Variants in PRDM2 observed in about 807,000 individuals in gnomAD.
The protein encoded by PRDM2 is PR/SET domain 2, also known as PR domain zinc finger protein 2.
In PRDM2, 30 loss-of-function variants were observed where a neutral mutation model predicts 130.0. That is an observed-to-expected ratio of 0.23 (90% confidence interval 0.17 to 0.31). PRDM2 has a LOEUF of 0.31. Among genes scored for constraint, PRDM2 ranks in the 10% least tolerant of loss-of-function variants. The pLI is 1.00. For synonymous variants in PRDM2, 871 were observed against 782.4 expected, an observed-to-expected ratio of 1.11 and a Z score of -1.89; for missense variants, 2,011 against 2,108.4, an observed-to-expected ratio of 0.95 and a Z score of 0.90.
At chr1:13,757,754 A>G (rs1643992292) in intron 6 of PRDM2, among the ~76,000 whole-genome samples, 1 of 147,554 alleles carries the variant, frequency 6.8e-6, no homozygotes, top group Non-Finnish European at 1.5e-5. Context: ...TTTTGCCAAA[A>G]TGTTTATTTG....
chr1:13,775,334 G>A lies in PRDM2; in HGVS notation c.622+2146G>A, dbSNP rs543344068. On this transcript the variant is annotated intron_variant, in intron 7 of 9. Coordinates refer to ENST00000311066, the MANE Select transcript of PRDM2 (RefSeq NM_001393986.1). ...CAGATTTTGACTGAAAATAAAGTCT[G>A]TTAGGAAATTTCTGAGCCTTAGAGT... Among the ~76,000 whole-genome samples the A allele has an allele frequency of 1.2e-3, 177 of 152,334 alleles. 3 individuals are homozygous for A. In the South Asian group the frequency reaches 0.036, roughly 31 times the overall value.
At chr1:13,768,074 GTTTTTT>G (rs774757778) in intron 6 of PRDM2, among the ~76,000 whole-genome samples, 1 of 117,756 alleles carries the variant, frequency 8.5e-6, no homozygotes, top group Non-Finnish European at 1.8e-5. Context: ...TTGTCCTTGA[GTTTTTT>G]TTTTTTTTTT....
intron 2 of PRDM2, chr1:13,722,694 A>T (rs1259770745): frequency 2.7e-6 from 1 of 363,836 alleles, no homozygotes; most frequent in East Asian, 7.9e-5. Context: ...CCCCACCCTC[A>T]CCCATTCCCA....
At chr1:13,749,065 C>T (rs1283997865) in intron 5 of PRDM2, among the ~76,000 whole-genome samples, 1 of 152,158 alleles carries the variant, frequency 6.6e-6, no homozygotes, top group Non-Finnish European at 1.5e-5. Context: ...GTGCGTGGGC[C>T]GTCGTGAGGC....
In PRDM2 at chr1:13,780,549, C is replaced by G; in HGVS notation, c.2754C>G (p.Ser918=). ...CCAGGAGCCCAAGTCCTTGTAAATCCCTAGAAGCTCAGCCAGATCCTGACC... is the reference window on the plus strand; with the variant it reads ...CCAGGAGCCCAAGTCCTTGTAAATCGCTAGAAGCTCAGCCAGATCCTGACC... ...DGTRSPSPCK[S]LEAQPDPDLG... The change falls in exon 8 of 10, where the codon TCC becomes TCG. Residue 918 remains serine, a synonymous_variant. Coordinates refer to ENST00000311066, the MANE Select transcript of PRDM2 (RefSeq NM_001393986.1). 6.2e-7 allele frequency: 1 copy of G among 1,614,102 alleles called. No individual in the cohort carries two copies. Among genetic ancestry groups the G allele is most frequent in the Non-Finnish European group, 8.5e-7 (1 of 1,180,014 alleles).
chr1:13,779,430 G>A lies in PRDM2; in HGVS notation c.1635G>A (p.Glu545=). 6.2e-7 allele frequency: 1 copy of A among 1,614,162 alleles called. No individual in the cohort carries two copies. The highest frequency in any genetic ancestry group is 8.5e-7 in the Non-Finnish European group (1 of 1,180,030). Residue 545 remains glutamate, a synonymous_variant, in exon 8 of 10, where the codon GAG becomes GAA. Coordinates refer to ENST00000311066, the MANE Select transcript of PRDM2 (RefSeq NM_001393986.1). This position sits in a 1 kb window ranked among gnomAD's most constrained non-coding sequence, Gnocchi z 4.9. The part of the protein sequence containing the change: ...QNVYVPSTEP[E]EEGEADDVYI... Reference sequence around the variant, plus strand: ...TGTATGTACCAAGCACAGAGCCGGAGGAGGAAGGGGAAGCAGATGATGTGT... The same window carrying A: ...TGTATGTACCAAGCACAGAGCCGGAAGAGGAAGGGGAAGCAGATGATGTGT...
chr1:13,726,046 A>G (rs561050244), intron 2 of PRDM2, among the ~76,000 whole-genome samples: 30 of 152,350 alleles, frequency 2.0e-4, no homozygotes, highest in African/African-American at 6.7e-4. Flanking sequence ...GGCTGGGACT[A>G]TGGGCAAAGT....
chr1:13,768,515 G>T (rs761195193), intron 6 of PRDM2, among the ~76,000 whole-genome samples: 1 of 152,080 alleles, frequency 6.6e-6, no homozygotes, highest in Non-Finnish European at 1.5e-5. Context: ...AAGTAGCTGG[G>T]ATTACAGGTG....
At chr1:13,760,906 A>C (rs1174030407) in intron 6 of PRDM2, among the ~76,000 whole-genome samples, 1 of 152,186 alleles carries the variant, frequency 6.6e-6, no homozygotes, top group Non-Finnish European at 1.5e-5. Context: ...AAGTTCTCTT[A>C]AAATCCATAT....
At chr1:13,736,250 C>T (rs1643269178) in intron 4 of PRDM2, among the ~76,000 whole-genome samples, 1 of 151,766 alleles carries the variant, frequency 6.6e-6, no homozygotes, top group Admixed American at 6.6e-5. Context: ...CTGGGACAGG[C>T]CTGTGCCACT....
rs894440983 is a variant in PRDM2 at position 13,821,334 on chromosome 1, T to C, written c.*24-1825T>C. On this transcript the variant is annotated intron_variant, in intron 9 of 9. Coordinates refer to ENST00000311066, the MANE Select transcript of PRDM2 (RefSeq NM_001393986.1). ...TTAGTGGTAGTAATAATAATAGCAG[T>C]AGTTATTTTTAGTAATAGTAATGGT... Among the ~76,000 whole-genome samples the C allele has an allele frequency of 7.9e-5, 12 of 152,104 alleles. No individual in the cohort carries two copies. The South Asian group carries it at 2.5e-3, about 32-fold the overall frequency.
intron 7 of PRDM2, among the ~76,000 whole-genome samples, chr1:13,776,045 G>A (rs1161354416): frequency 1.3e-5 from 2 of 152,108 alleles, no homozygotes; most frequent in African/African-American, 4.8e-5. Context: ...TTCAGGTTCT[G>A]TCTGCTTAGT....
intron 9 of PRDM2, among the ~76,000 whole-genome samples, chr1:13,820,328 G>T (rs977932548): frequency 1.3e-5 from 2 of 152,226 alleles, no homozygotes; most frequent in Admixed American, 6.5e-5. Context: ...ACACAGAGGT[G>T]CTTGGTTTCT....
intron 8 of PRDM2, among the ~76,000 whole-genome samples, chr1:13,809,837 C>A (rs140035287): frequency 2.0e-5 from 3 of 152,160 alleles, no homozygotes; most frequent in African/African-American, 7.2e-5. Flanking sequence ...ATGGACTAGG[C>A]GGCTTAAATG....
intron 8 of PRDM2, among the ~76,000 whole-genome samples, chr1:13,792,164 C>T (rs1001153902): frequency 2.6e-5 from 4 of 152,134 alleles, no homozygotes; most frequent in Non-Finnish European, 5.9e-5. Context: ...AGAATATTTC[C>T]TTATTCATGT....
rs150823001 is a variant in PRDM2 at position 13,742,402 on chromosome 1, A to G, written c.384+245A>G. 4.9e-3 allele frequency among the ~76,000 whole-genome samples: 748 copies of G among 152,212 alleles called. 4 individuals carry two copies. Among genetic ancestry groups the G allele is most frequent in the Non-Finnish European group, 8.2e-3 (559 of 68,004 alleles). On this transcript the variant is annotated intron_variant, in intron 5 of 9. Coordinates refer to ENST00000311066, the MANE Select transcript of PRDM2 (RefSeq NM_001393986.1). The stretch of plus-strand genomic sequence containing the variant: ...TTTTTTGTAGAGACAGAGCTTTGCT[A>G]TGTTACCCAGGCTGGTCTCAAACTG...
intron 6 of PRDM2, chr1:13,770,386 TC>T (rs1296852356): frequency 4.4e-6 from 2 of 454,680 alleles, no homozygotes; most frequent in Non-Finnish European, 8.6e-6. Flanking sequence ...AGATTGTACT[TC>T]CTTTTGTTAA....
At chr1:13,787,248 A>G (rs1644760750) in intron 8 of PRDM2, 1 of 983,730 alleles carries the variant, frequency 1.0e-6, no homozygotes, top group Non-Finnish European at 1.2e-6. Context: ...GTAGCAATAT[A>G]TCAGTGCACA....
chr1:13,709,765 A>T (rs1387461541), intron 1 of PRDM2, among the ~76,000 whole-genome samples: 1 of 151,772 alleles, frequency 6.6e-6, no homozygotes, highest in Non-Finnish European at 1.5e-5. Flanking sequence ...TTTCTGTTTT[A>T]CTCTTTATCC....
Sources: allele counts gnomAD v4.1 joint callset (sites outside exome capture counted in the v4.1 genomes callset), GRCh38; gene constraint gnomAD v4.1.1; non-coding constraint Gnocchi (gnomAD v3.1); transcripts MANE v1.5; gene names NCBI Gene and HGNC (gene_info 2026-07-23, HGNC 2026-07-21).